Variants in RNF130 observed in about 807,000 individuals in gnomAD.
The protein encoded by RNF130 is ring finger protein 130, also known as E3 ubiquitin-protein ligase RNF130.
RNF130 carries 21 observed loss-of-function variants against 44.6 expected under a neutral mutation model. That is an observed-to-expected ratio of 0.47 (90% CI 0.33 to 0.68). The LOEUF (loss-of-function observed/expected upper bound fraction) is 0.68. RNF130 is among the 30% of genes least tolerant of loss of function. The probability of loss-of-function intolerance (pLI) is 0.02; values close to 1 mark genes in which losing one functional copy is unlikely to be tolerated. For missense variants in RNF130, 479 were observed against 560.6 expected, an observed-to-expected ratio of 0.85 and a Z score of 1.47; for synonymous variants, 214 against 210.4, an observed-to-expected ratio of 1.02 and a Z score of -0.15.
exon 8 of RNF130, chr5:179,914,588 G>A (rs1167884629): frequency 6.6e-6 from 1 of 152,248 alleles, no homozygotes. Context: ...AGCTCCCCTT[G>A]GGAGATTCTG....
chr5:179,994,274 T>A (rs1239358680), intron 3 of RNF130, among the ~76,000 whole-genome samples: 1 of 152,230 alleles, frequency 6.6e-6, no homozygotes, highest in East Asian at 1.9e-4. Context: ...TTGATGGGGA[T>A]GGCATTGAAT....
intron 2 of RNF130, among the ~76,000 whole-genome samples, chr5:180,017,737 A>G (rs984978720): frequency 3.3e-5 from 5 of 152,236 alleles, no homozygotes; most frequent in African/African-American, 1.2e-4. Flanking sequence ...TAATACTGCT[A>G]TAATCCTGAC....
chr5:180,047,463 G>T (rs1288721828), intron 1 of RNF130, among the ~76,000 whole-genome samples: 3 of 151,854 alleles, frequency 2.0e-5, no homozygotes, highest in Non-Finnish European at 4.4e-5. Flanking sequence ...GTTTTTTTCT[G>T]GCCCGGCGTG....
chr5:180,013,488 AT>A (rs2113086131), intron 2 of RNF130, among the ~76,000 whole-genome samples, 177 bp from the exon 3 acceptor site: 1 of 152,308 alleles, frequency 6.6e-6, no homozygotes, highest in African/African-American at 2.4e-5. Flanking sequence ...AAGTAGGAAC[AT>A]GTAATTTGTT....
At chr5:179,978,373 C>T (rs1762763422) in intron 4 of RNF130, 88 bp from the exon 5 acceptor site, 1 of 863,800 alleles carries the variant, frequency 1.2e-6, no homozygotes, top group African/African-American at 1.7e-5. Flanking sequence ...CTTTCTGTGG[C>T]TACTATGGTA....
chr5:180,071,410 G>A, intron 1 of RNF130, 46 bp downstream of exon 1: 1 of 1,229,738 alleles, frequency 8.1e-7, no homozygotes, highest in Non-Finnish European at 1.0e-6. Context: ...CGCCGCCTAC[G>A]CGGGATGCAG....
chr5:179,994,982 G>A (rs756723185), intron 3 of RNF130, among the ~76,000 whole-genome samples: 3 of 152,158 alleles, frequency 2.0e-5, no homozygotes, highest in Non-Finnish European at 4.4e-5. Context: ...GGACTGGTGG[G>A]GAGAGGTGAA....
At chr5:180,054,404 T>C (rs1353092682) in intron 1 of RNF130, among the ~76,000 whole-genome samples, 1 of 152,214 alleles carries the variant, frequency 6.6e-6, no homozygotes, top group African/African-American at 2.4e-5. Context: ...CAGATGCAGA[T>C]GCCCACTTAG....
intron 8 of RNF130, 74 bp from the exon 9 acceptor site, chr5:179,955,743 C>T: frequency 5.5e-6 from 7 of 1,268,530 alleles, no homozygotes; most frequent in Non-Finnish European, 7.7e-6. Context: ...AGAAGTGACC[C>T]TAACTGAAGG....
chr5:180,042,094 C>T (rs189958099), intron 1 of RNF130, among the ~76,000 whole-genome samples: 50 of 152,218 alleles, frequency 3.3e-4, no homozygotes, highest in East Asian at 1.5e-3. Context: ...AAAGAGATGA[C>T]GCCAGTGGGA....
chr5:180,013,083 G>C lies in RNF130; in HGVS notation c.671C>G (p.Thr224Arg). 1.2e-6 allele frequency: 2 copies of C among 1,613,742 alleles called. No homozygotes were observed. The highest frequency in any genetic ancestry group is 1.7e-6 in the Non-Finnish European group (2 of 1,179,990). ...CACCTGGTTCCTGTCGCGTGCATTT[G>C]TGTACCTGATCTTCTGAATGAAGTA... The part of the protein sequence containing the change: ...IFYFIQKIRY[T>R]NARDRNQRRL... The change falls in exon 3 of 9, where the codon ACA becomes AGA. Residue 224 changes from threonine to arginine, a missense_variant. Coordinates refer to ENST00000521389, the MANE Select transcript of RNF130 (RefSeq NM_018434.6).
chr5:179,924,130 AGCCCGGGAGTTCAAGTCCAGCCTG>A (rs1487245421), intron 7 of RNF130, among the ~76,000 whole-genome samples: 1 of 152,074 alleles, frequency 6.6e-6, no homozygotes, highest in East Asian at 1.9e-4. Context: ...GGATCGCTTG[AGCCCGGGAGTTCAAGTCCAGCCTG>A]GGCAACACAG....
intron 7 of RNF130, among the ~76,000 whole-genome samples, chr5:179,925,971 G>C (rs1307348303): frequency 6.6e-6 from 1 of 152,210 alleles, no homozygotes; most frequent in Non-Finnish European, 1.5e-5. Context: ...GGCACGGAAA[G>C]GGGGAGCAGC....
At chr5:179,959,311 T>C (rs1303904653) in intron 8 of RNF130, among the ~76,000 whole-genome samples, 2 of 152,216 alleles carry the variant, frequency 1.3e-5, no homozygotes, top group South Asian at 2.1e-4. Context: ...GACCCTTTTA[T>C]GCTGAGTGTG....
chr5:180,028,987 TA>T, intron 2 of RNF130, among the ~76,000 whole-genome samples: 1 of 152,336 alleles, frequency 6.6e-6, no homozygotes, highest in East Asian at 1.9e-4. Context: ...GTTAGCTCAA[TA>T]AATTTTGCAA....
chr5:179,939,729 C>A, intron 7 of RNF130: 1 of 454,424 alleles, frequency 2.2e-6, no homozygotes, highest in South Asian at 1.8e-5. Flanking sequence ...AGACGGAAAT[C>A]CACTGAAAGC....
chr5:180,071,565 G>A lies in RNF130; in HGVS notation c.138C>T (p.Pro46=), dbSNP rs1438992838. 1 of 1,443,858 alleles carries A rather than the reference G, an allele frequency of 6.9e-7. No individual in the cohort carries two copies. 89.4% of individuals were successfully genotyped at this position (1,443,858 alleles called of 1,614,324 possible). Residue 46 remains proline (P), a synonymous_variant, in exon 1 of 9, where the codon CCC becomes CCT. Transcript: ENST00000521389. The stretch of plus-strand genomic sequence containing the variant: ...GAAACGTGAGCGGGGCGCCGCGGCC[G>A]GGCTCCTGCACCGTCACGTTGATGA... ...TALINVTVQE[P]GRGAPLTFRI... is the part of the protein sequence containing the mutation.
intron 1 of RNF130, among the ~76,000 whole-genome samples, chr5:180,054,244 T>C (rs993009981): frequency 2.0e-5 from 3 of 152,212 alleles, no homozygotes; most frequent in Non-Finnish European, 2.9e-5. Context: ...TTGAGATGAT[T>C]TGTAACGACC....
Position 180,055,457 on chromosome 5 carries a change from T to TGC in RNF130, c.248-14811_248-14810insGC, listed in dbSNP as rs1398842240. Among the ~76,000 whole-genome samples the TGC allele has an allele frequency of 9.0e-3, 1,361 of 151,384 alleles. 20 individuals are homozygous for TGC. Among genetic ancestry groups the TGC allele is most frequent in the East Asian group, 0.034 (174 of 5,112 alleles). On this transcript the variant is annotated intron_variant, in intron 1 of 8. Coordinates refer to ENST00000521389, the MANE Select transcript of RNF130 (RefSeq NM_018434.6). ...AGATGACTTTGTGTGTGTGTGCGTG[T>TGC]GTGTGTGTGTGTGCGCGCGCGCACG... is the stretch of plus-strand genomic sequence containing the variant.
Sources: allele counts gnomAD v4.1 joint callset (sites outside exome capture counted in the v4.1 genomes callset), GRCh38; gene constraint gnomAD v4.1.1; transcripts MANE v1.5; gene names NCBI Gene and HGNC (gene_info 2026-07-23, HGNC 2026-07-21).